DPYSL2: variants seen among roughly 807,000 people sequenced by gnomAD.
DPYSL2 encodes dihydropyrimidinase like 2.
DPYSL2 carries 13 observed loss-of-function variants against 69.9 expected under a neutral mutation model. The observed-to-expected ratio is 0.19, with a 90% CI of 0.12 to 0.30. The LOEUF is 0.30. Ranked by LOEUF, DPYSL2 falls within the 10% of genes least tolerant of loss-of-function variation. The pLI, the probability that DPYSL2 is intolerant of heterozygous loss-of-function variation, is 1.00. For synonymous variants in DPYSL2, 326 were observed against 359.1 expected (o/e 0.91, Z 1.04); for missense variants, 587 against 918.9 (o/e 0.64, Z 4.67).
Position 26,609,595 on chromosome 8 carries a change from A to G in DPYSL2, c.629-14548A>G, listed in dbSNP as rs1802182669. ...GGTCCCGTAGCCCCAGGCAACCAAA[A>G]GCTGAGACAAACAGAGGAAGTGTCG... On this transcript the variant is annotated intron_variant, in intron 3 of 13. Coordinates refer to ENST00000521913, the MANE Select transcript of DPYSL2 (RefSeq NM_001197293.3). The surrounding 1 kb of genome is among the most constrained non-coding windows in gnomAD (Gnocchi z 6.5). Among the ~76,000 whole-genome samples, 2 of 152,148 alleles carry G rather than the reference A, an allele frequency of 1.3e-5. No individual in the cohort carries two copies. Among genetic ancestry groups the G allele is most frequent in the African/African-American group, 4.8e-5 (2 of 41,426 alleles).
Position 26,624,292 on chromosome 8 carries a change from C to T in DPYSL2, c.778C>T (p.Leu260Phe). 1 of 1,614,180 alleles carries T rather than the reference C, an allele frequency of 6.2e-7. No individual in the cohort carries two copies. Among genetic ancestry groups the T allele is most frequent in the Non-Finnish European group, 8.5e-7 (1 of 1,180,014 alleles). ...HKGIQEEMEALVKDHGVNSFL... is the reference protein window; with the variant it reads ...HKGIQEEMEAFVKDHGVNSFL... Reference sequence around the variant, plus strand: ...GGGCATCCAGGAGGAGATGGAAGCGCTTGTGAAGGATCACGGTAGGTTGCA... The same window carrying T: ...GGGCATCCAGGAGGAGATGGAAGCGTTTGTGAAGGATCACGGTAGGTTGCA... Residue 260 changes from leucine (L) to phenylalanine (F), a missense_variant, in exon 4 of 14, where the codon CTT becomes TTT. This residue lies in a region of DPYSL2 where 452 missense variants were observed against 754.3 expected (regional missense o/e 0.60). Coordinates refer to ENST00000521913, the MANE Select transcript of DPYSL2 (RefSeq NM_001197293.3). The surrounding 1 kb of genome is among the most constrained non-coding windows in gnomAD (Gnocchi z 4.7).
At chr8:26,630,282 G>A (rs1398595543) in intron 7 of DPYSL2, among the ~76,000 whole-genome samples, 1 of 152,162 alleles carries the variant, frequency 6.6e-6, no homozygotes, top group African/African-American at 2.4e-5. Flanking sequence ...GACTGCCCTC[G>A]CCAGATTCCC....
intron 1 of DPYSL2, chr8:26,576,967 G>T (rs909947133): frequency 7.5e-5 from 22 of 293,984 alleles, no homozygotes; most frequent in Admixed American, 2.7e-4. Flanking sequence ...ACTGTAAAGC[G>T]GGCGCACAGA....
rs541339393 is a variant in DPYSL2, at chr8:26,652,977, G to A, written c.1777-255G>A. Among the ~76,000 whole-genome samples the A allele has an allele frequency of 1.6e-4, 25 of 152,282 alleles. No individual in the cohort carries two copies. The South Asian group carries it at 5.0e-3, about 30-fold the overall frequency. ...CAGCATGCTTAGGGGATTCTTACAG[G>A]GTTTAAAGTTGAAGTGTCTTGGGGG... On this transcript the variant is annotated intron_variant, in intron 12 of 13. Transcript: ENST00000521913. The surrounding 1 kb of genome is among the most constrained non-coding windows in gnomAD (Gnocchi z 6.3).
intron 1 of DPYSL2, among the ~76,000 whole-genome samples, chr8:26,576,276 T>C (rs1182545785): frequency 6.6e-6 from 1 of 152,124 alleles, no homozygotes; most frequent in Non-Finnish European, 1.5e-5. Context: ...GGCAGAAAGA[T>C]TGGAAGTCAG....
chr8:26,627,307 T>G lies in DPYSL2; in HGVS notation c.936+12T>G. ...ACATCATTGCAGAGGTACAGGGCTT[T>G]CTTTTTCGTCATTTCTTCATCACCT... On this transcript the variant is annotated intron_variant, in intron 6 of 13. Coordinates refer to ENST00000521913, the MANE Select transcript of DPYSL2 (RefSeq NM_001197293.3). This position sits in a 1 kb window ranked among gnomAD's most constrained non-coding sequence, Gnocchi z 6.9. 1 of 1,614,038 alleles carries G rather than the reference T, an allele frequency of 6.2e-7. No homozygotes were observed. The highest frequency in any genetic ancestry group is 8.5e-7 in the Non-Finnish European group (1 of 1,179,922).
intron 8 of DPYSL2, among the ~76,000 whole-genome samples, chr8:26,639,819 A>G (rs1453503607): frequency 6.6e-6 from 1 of 152,044 alleles, no homozygotes; most frequent in African/African-American, 2.4e-5. Flanking sequence ...TCTTTTTACT[A>G]CTGGACGTAG....
intron 3 of DPYSL2, among the ~76,000 whole-genome samples, chr8:26,622,095 TTCCTTCCTTCCTTCCTTCC>T (rs1802496545): frequency 4.8e-5 from 1 of 20,962 alleles, no homozygotes; most frequent in African/African-American, 1.3e-4. Context: ...CTTTCTTTCC[TTCCTTCCTTCCTTCCTTCC>T]TTCCTTCCTT....
chr8:26,652,328 G>A lies in DPYSL2; in HGVS notation c.1668G>A (p.Lys556=), dbSNP rs747859725. The A allele has an allele frequency of 2.5e-6, 4 of 1,614,136 alleles. No homozygotes were observed. The African/African-American group carries it at 4.0e-5, about 16-fold the overall frequency. ...GSPLVVISQG[K]IVLEDGTLHV... The stretch of plus-strand genomic sequence containing the variant: ...CACTGGTGGTCATCAGCCAGGGGAA[G>A]ATTGTCCTGGAGGACGGCACCCTGC... Residue 556 remains lysine (K), a synonymous_variant, in exon 12 of 14, where the codon AAG becomes AAA. Coordinates refer to ENST00000521913, the MANE Select transcript of DPYSL2 (RefSeq NM_001197293.3). This position sits in a 1 kb window ranked among gnomAD's most constrained non-coding sequence, Gnocchi z 6.3.
At chr8:26,573,492 C>T (rs138847576) in intron 1 of DPYSL2, among the ~76,000 whole-genome samples, 14,370 of 151,930 alleles carry the variant, frequency 0.095, 879 homozygotes, top group Middle Eastern at 0.17. Flanking sequence ...CACGGTGAAA[C>T]CCTGTCTCTA....
At chr8:26,600,806 T>G in intron 3 of DPYSL2, among the ~76,000 whole-genome samples, 1 of 152,236 alleles carries the variant, frequency 6.6e-6, no homozygotes, top group Non-Finnish European at 1.5e-5. Context: ...TCCATTCCCT[T>G]GAGCCTGGCA....
rs1038700743 is a variant in DPYSL2, at chr8:26,514,811, G to T, written c.354+132G>T. 6 of 815,466 alleles carry T rather than the reference G, an allele frequency of 7.4e-6. No individual in the cohort carries two copies. The African/African-American group carries it at 1.1e-4, about 15-fold the overall frequency. The allele number at this position is 815,466 out of a possible 1,614,324, so 50.5% of individuals were successfully genotyped here. Reference sequence around the variant, plus strand: ...CCTCCCGCATCTGCACGCGCACCCCGCCCTACCCGCCCCTTCTCCGCGCAG... The same window carrying T: ...CCTCCCGCATCTGCACGCGCACCCCTCCCTACCCGCCCCTTCTCCGCGCAG... On this transcript the variant is annotated intron_variant, in intron 1 of 13. Transcript: ENST00000521913. The surrounding 1 kb of genome is among the most constrained non-coding windows in gnomAD (Gnocchi z 8.4).
Position 26,647,766 on chromosome 8 carries a change from G to A in DPYSL2, c.1562G>A (p.Ser521Asn), listed in dbSNP as rs1803202516. The A allele has an allele frequency of 4.3e-6, 7 of 1,613,950 alleles. No individual in the cohort carries two copies. The highest frequency in any genetic ancestry group is 1.1e-5 in the South Asian group (1 of 91,074). The part of the protein sequence containing the change: ...DADLVIWDPD[S>N]VKTISAKTHN... ...GACCTGGTCATCTGGGACCCCGACA[G>A]CGTTAAAACCATCTCTGCCAAGACA... Residue 521 changes from serine (S) to asparagine (N), a missense_variant, in exon 11 of 14, where the codon AGC becomes AAC. By Grantham distance (46) the Ser-to-Asn change is conservative. Coordinates refer to ENST00000521913, the MANE Select transcript of DPYSL2 (RefSeq NM_001197293.3). This position sits in a 1 kb window ranked among gnomAD's most constrained non-coding sequence, Gnocchi z 5.1.
chr8:26,588,018 T>C lies in DPYSL2; in HGVS notation c.628+4035T>C, dbSNP rs1247807603. Among the ~76,000 whole-genome samples the C allele has an allele frequency of 6.6e-6, 1 of 152,180 alleles. No homozygotes were observed. The highest frequency in any genetic ancestry group is 1.5e-5 in the Non-Finnish European group (1 of 68,032). The stretch of plus-strand genomic sequence containing the variant: ...CCGCTTGCCCTGGGGCCACCTTTGC[T>C]CTCAGCCTCAGTGGCCTCATCTGCA... On this transcript the variant is annotated intron_variant, in intron 3 of 13. Transcript: ENST00000521913. This position sits in a 1 kb window ranked among gnomAD's most constrained non-coding sequence, Gnocchi z 5.4.
Position 26,652,622 on chromosome 8 carries a change from G to T in DPYSL2, c.1776+186G>T, listed in dbSNP as rs1803301074. Among the ~76,000 whole-genome samples the T allele has an allele frequency of 6.6e-6, 1 of 152,142 alleles. No homozygotes were observed. The highest frequency in any genetic ancestry group is 1.9e-4 in the East Asian group (1 of 5,198). On this transcript the variant is annotated intron_variant, in intron 12 of 13. Transcript: ENST00000521913. The surrounding 1 kb of genome is among the most constrained non-coding windows in gnomAD (Gnocchi z 6.3). The stretch of plus-strand genomic sequence containing the variant: ...GGAGAAGGAGTCAGTCGTGTCCACA[G>T]AGAGCCCTAGCAAAGTGAGATCATG...
intron 1 of DPYSL2, among the ~76,000 whole-genome samples, chr8:26,522,337 A>AAACT (rs59100943): frequency 0.016 from 2,192 of 138,008 alleles, 46 homozygotes; most frequent in African/African-American, 0.05. Flanking sequence ...ACAAACAAAC[A>AAACT]AATGTTTTCA....
intron 1 of DPYSL2, among the ~76,000 whole-genome samples, chr8:26,561,129 C>T (rs1801063569): frequency 6.6e-6 from 1 of 152,154 alleles, no homozygotes; most frequent in South Asian, 2.1e-4. Context: ...TTGGGCATTT[C>T]TGAGTTGATG....
intron 3 of DPYSL2, among the ~76,000 whole-genome samples, chr8:26,595,051 T>TCAATCAAA (rs58133841): frequency 6.6e-6 from 1 of 151,462 alleles, no homozygotes; most frequent in Non-Finnish European, 1.5e-5. Context: ...AATCAATCAA[T>TCAATCAAA]AACTAAAAAT....
rs1801473082 is a variant in DPYSL2, at chr8:26,580,746, T to C, written c.355-1223T>C. Among the ~76,000 whole-genome samples, 1 of 152,222 alleles carries C rather than the reference T, an allele frequency of 6.6e-6. No individual in the cohort carries two copies. Among genetic ancestry groups the C allele is most frequent in the African/African-American group, 2.4e-5 (1 of 41,462 alleles). On this transcript the variant is annotated intron_variant, in intron 1 of 13. Coordinates refer to ENST00000521913, the MANE Select transcript of DPYSL2 (RefSeq NM_001197293.3). The surrounding 1 kb of genome is among the most constrained non-coding windows in gnomAD (Gnocchi z 4.1). Reference sequence around the variant, plus strand: ...TGTAACTGAATTTTGAGTTAACTATTGCCAAAAGAATGTCATTCTTTGAAA... The same window carrying C: ...TGTAACTGAATTTTGAGTTAACTATCGCCAAAAGAATGTCATTCTTTGAAA...
Sources: allele counts gnomAD v4.1 joint callset (sites outside exome capture counted in the v4.1 genomes callset), GRCh38; gene constraint gnomAD v4.1.1; regional missense constraint gnomAD v4.1.1; non-coding constraint Gnocchi (gnomAD v3.1); transcripts MANE v1.5; gene names NCBI Gene and HGNC (gene_info 2026-07-23, HGNC 2026-07-21).